CLEC2D: variants seen among roughly 807,000 people sequenced by gnomAD.
The protein encoded by CLEC2D is C-type lectin domain family 2 member D.
CLEC2D carries 16 observed loss-of-function variants against 20.0 expected under a neutral mutation model. That is an observed-to-expected ratio of 0.80 (90% CI 0.54 to 1.22). CLEC2D has a LOEUF of 1.22. CLEC2D is among the 50% of genes most tolerant of loss of function. The pLI is 0.00. For synonymous variants in CLEC2D, 77 were observed against 71.1 expected, an observed-to-expected ratio of 1.08 and a Z score of -0.42; for missense variants, 207 against 221.5, an observed-to-expected ratio of 0.93 and a Z score of 0.42.
At chr12:9,676,233 G>C (rs1015652060) in intron 1 of CLEC2D, among the ~76,000 whole-genome samples, 1 of 152,082 alleles carries the variant, frequency 6.6e-6, no homozygotes, top group Admixed American at 6.5e-5. Flanking sequence ...TGATCTTAGT[G>C]GGAAAACTTC....
chr12:9,695,404 G>C lies in CLEC2D; in HGVS notation c.*530G>C. On this transcript the variant is annotated 3_prime_UTR_variant, in exon 5 of 5. Coordinates refer to ENST00000290855, the MANE Select transcript of CLEC2D (RefSeq NM_013269.6). ...ACCCGATGGAAGATTCGATGGACAT[G>C]GACATGAGCCCCCTGAGGCCCCAGA... The C allele has an allele frequency of 6.8e-7, 1 of 1,480,884 alleles. No individual in the cohort carries two copies. The highest frequency in any genetic ancestry group is 9.3e-7 in the Non-Finnish European group (1 of 1,075,922). The allele number at this position is 1,480,884 out of a possible 1,614,324, so 91.7% of individuals were successfully genotyped here. A position where few individuals can be genotyped will look rare whatever the true frequency, so the allele number is the denominator to read the frequency against.
At chr12:9,673,211 T>C (rs941414669) in intron 1 of CLEC2D, among the ~76,000 whole-genome samples, 5 of 152,258 alleles carry the variant, frequency 3.3e-5, no homozygotes, top group Admixed American at 3.3e-4. Context: ...TTATCCACCT[T>C]TGATCTTTGA....
chr12:9,689,588 A>G (rs1207170924), intron 3 of CLEC2D, among the ~76,000 whole-genome samples: 1 of 152,304 alleles, frequency 6.6e-6, no homozygotes, highest in South Asian at 2.1e-4. Flanking sequence ...GTTAAAGGAA[A>G]CTAGACAAAA....
intron 2 of CLEC2D, among the ~76,000 whole-genome samples, chr12:9,686,696 A>G (rs1220628954): frequency 1.3e-5 from 2 of 152,188 alleles, no homozygotes; most frequent in African/African-American, 4.8e-5. Flanking sequence ...ATGAACTGGT[A>G]GCTACTAGGG....
At chr12:9,678,926 A>G (rs1005626337) in intron 1 of CLEC2D, among the ~76,000 whole-genome samples, 2 of 152,200 alleles carry the variant, frequency 1.3e-5, no homozygotes, top group African/African-American at 4.8e-5. Flanking sequence ...TATATCAATT[A>G]TACTTTAAAA....
chr12:9,688,052 C>T lies in CLEC2D; in HGVS notation c.323C>T (p.Ala108Val), dbSNP rs1339888992. 1 of 1,609,894 alleles carries T rather than the reference C, an allele frequency of 6.2e-7. No individual in the cohort carries two copies. Among genetic ancestry groups the T allele is most frequent in the Non-Finnish European group, 8.5e-7 (1 of 1,178,004 alleles). Residue 108 changes from alanine to valine, a missense_variant, in exon 3 of 5, where the codon GCT becomes GTT. By Grantham distance (64) the Ala-to-Val change is moderately conservative (BLOSUM62 0). Transcript: ENST00000290855. Reference protein sequence around the residue: ...SSQRFCDSQDADLAQVESFQE... With the variant: ...SSQRFCDSQDVDLAQVESFQE... ...CAGAGGTTTTGTGACTCACAAGATG[C>T]TGATCTTGCTCAGGTTGAAAGCTTC...
intron 2 of CLEC2D, 88 bp downstream of exon 2, chr12:9,681,121 CA>C (rs935329600): frequency 7.8e-6 from 6 of 765,356 alleles, no homozygotes; most frequent in African/African-American, 5.3e-5. Context: ...TTATTCTTTA[CA>C]GCTTTTAATA....
In CLEC2D at chr12:9,697,441, C is replaced by T. The variant is rs996882945; in HGVS notation, c.*2567C>T. ...ATATCTATAGAAACAATGCTAATGA[C>T]TGGCTTGCTGTTAATAAATACATGG... is the stretch of plus-strand genomic sequence containing the variant. On this transcript the variant is annotated 3_prime_UTR_variant, in exon 5 of 5. Coordinates refer to ENST00000290855, the MANE Select transcript of CLEC2D (RefSeq NM_013269.6). 2 of 152,132 alleles carry T rather than the reference C, an allele frequency of 1.3e-5. No homozygotes were observed. Among genetic ancestry groups the T allele is most frequent in the Non-Finnish European group, 2.9e-5 (2 of 68,042 alleles). The allele number at this position is 152,132 out of a possible 1,614,324, so 9.4% of individuals were successfully genotyped here.
chr12:9,685,262 G>A (rs866544026), intron 2 of CLEC2D, among the ~76,000 whole-genome samples: 27 of 152,214 alleles, frequency 1.8e-4, no homozygotes, highest in African/African-American at 6.5e-4. Flanking sequence ...TGTCCTGTAT[G>A]AGGTGCCTAT....
At chr12:9,687,420 T>C (rs1268803808) in intron 2 of CLEC2D, among the ~76,000 whole-genome samples, 1 of 152,160 alleles carries the variant, frequency 6.6e-6, no homozygotes, top group Admixed American at 6.5e-5. Flanking sequence ...TGGCTGTAAA[T>C]ACAGATGAAG....
At chr12:9,674,372 C>A (rs1341509504) in intron 1 of CLEC2D, among the ~76,000 whole-genome samples, 1 of 152,334 alleles carries the variant, frequency 6.6e-6, no homozygotes, top group East Asian at 1.9e-4. Flanking sequence ...CCACCCTGTG[C>A]AGCTCCTGGG....
chr12:9,690,166 C>A (rs911494370), intron 3 of CLEC2D, among the ~76,000 whole-genome samples: 5 of 151,992 alleles, frequency 3.3e-5, no homozygotes, highest in Non-Finnish European at 7.4e-5. Flanking sequence ...AGCTGATTTT[C>A]TCTGAGAAAC....
In CLEC2D at chr12:9,669,813, AC is replaced by A. The variant is rs1865371119; in HGVS notation, c.61+19del. ...AAACCCAGGTAAGAAGCTGGGCTCT[AC>A]AGAGTAAGTGTGAGGACTGGAATGG... On this transcript the variant is annotated intron_variant, in intron 1 of 4. Transcript: ENST00000290855. The A allele has an allele frequency of 6.3e-7, 1 of 1,594,706 alleles. No homozygotes were observed.
At chr12:9,690,486 ATAGTTTAT>A (rs1320170501) in intron 3 of CLEC2D, among the ~76,000 whole-genome samples, 1 of 152,062 alleles carries the variant, frequency 6.6e-6, no homozygotes, top group Non-Finnish European at 1.5e-5. Flanking sequence ...CATGTGTCAT[ATAGTTTAT>A]AACTTCTCCT....
At position 9,669,714 on chromosome 12, in the gene CLEC2D, C is replaced by G; in HGVS notation, c.-21C>G. ...AACGTAGAGACTGTGGTTTAGATCA[C>G]TCATAGAAACTGGAGGCAAAATGCA... On this transcript the variant is annotated 5_prime_UTR_variant, in exon 1 of 5. Coordinates refer to ENST00000290855, the MANE Select transcript of CLEC2D (RefSeq NM_013269.6). 6.3e-7 allele frequency: 1 copy of G among 1,597,230 alleles called. No individual in the cohort carries two copies. Among genetic ancestry groups the G allele is most frequent in the Middle Eastern group, 1.7e-4 (1 of 6,014 alleles).
chr12:9,672,328 A>G (rs775515894), intron 1 of CLEC2D, among the ~76,000 whole-genome samples: 1 of 152,336 alleles, frequency 6.6e-6, no homozygotes, highest in East Asian at 1.9e-4. Flanking sequence ...AGTATCTAAC[A>G]CATGAACTTT....
Position 9,695,412 on chromosome 12 carries a change from G to A in CLEC2D, c.*538G>A. ...GAAGATTCGATGGACATGGACATGA[G>A]CCCCCTGAGGCCCCAGAACTATCTT... On this transcript the variant is annotated 3_prime_UTR_variant, in exon 5 of 5. Transcript: ENST00000290855. The A allele has an allele frequency of 6.7e-7, 1 of 1,482,112 alleles. No homozygotes were observed. The highest frequency in any genetic ancestry group is 9.3e-7 in the Non-Finnish European group (1 of 1,077,236). 91.8% of individuals were successfully genotyped at this position (1,482,112 alleles called of 1,614,324 possible).
chr12:9,692,665 A>G (rs1193833808), intron 3 of CLEC2D, among the ~76,000 whole-genome samples, 163 bp from the exon 4 acceptor site: 1 of 152,244 alleles, frequency 6.6e-6, no homozygotes, highest in Non-Finnish European at 1.5e-5. Flanking sequence ...TTCTTTTGAT[A>G]TGTATGATAA....
At chr12:9,678,003 A>T (rs1450871757) in intron 1 of CLEC2D, among the ~76,000 whole-genome samples, 1 of 152,126 alleles carries the variant, frequency 6.6e-6, no homozygotes, top group African/African-American at 2.4e-5. Context: ...GATTACAGTC[A>T]TGAGCCAATA....
Sources: allele counts gnomAD v4.1 joint callset (sites outside exome capture counted in the v4.1 genomes callset), GRCh38; gene constraint gnomAD v4.1.1; transcripts MANE v1.5; gene names NCBI Gene and HGNC (gene_info 2026-07-23, HGNC 2026-07-21).